The following AGTPBP1 variants were observed in gnomAD, a reference collection of about 807,000 sequenced individuals.
AGTPBP1 encodes the protein ATP/GTP binding carboxypeptidase 1.
Under a neutral mutation model 143.9 loss-of-function variants are expected in AGTPBP1, and 70 were observed. That is an observed-to-expected ratio of 0.49 (90% CI 0.40 to 0.59). The LOEUF (loss-of-function observed/expected upper bound fraction) is 0.59, where lower values mean the gene tolerates loss of function less well. Ranked by LOEUF, AGTPBP1 falls within the 20% of genes least tolerant of loss-of-function variation. The pLI is 0.00. For synonymous variants in AGTPBP1, 463 were observed against 500.2 expected (o/e 0.93, Z 0.99); for missense variants, 1,229 against 1,464.5 (o/e 0.84, Z 2.62).
At chr9:85,631,452 G>C (rs1212615668) in intron 14 of AGTPBP1, among the ~76,000 whole-genome samples, 1 of 152,230 alleles carries the variant, frequency 6.6e-6, no homozygotes, top group African/African-American at 2.4e-5. Context: ...CACGAGGCCA[G>C]CTGCCTCTGG....
chr9:85,590,764 G>A (rs1325973665), intron 19 of AGTPBP1, among the ~76,000 whole-genome samples: 2 of 152,126 alleles, frequency 1.3e-5, no homozygotes, highest in Non-Finnish European at 2.9e-5. Context: ...GATGAGTACT[G>A]CAGGCAGAGG....
intron 3 of AGTPBP1, among the ~76,000 whole-genome samples, chr9:85,685,101 T>C (rs1835412589): frequency 1.3e-5 from 2 of 151,792 alleles, no homozygotes; most frequent in Admixed American, 6.6e-5. Flanking sequence ...AGAATTAAAC[T>C]TAAAAGATAT....
intron 2 of AGTPBP1, among the ~76,000 whole-genome samples, chr9:85,693,762 G>A (rs1446199646): frequency 3.9e-5 from 6 of 152,146 alleles, no homozygotes; most frequent in Admixed American, 2.6e-4. Flanking sequence ...GTGATGGGAA[G>A]TACTATGGAG....
At chr9:85,682,868 T>C (rs1165661229) in intron 3 of AGTPBP1, among the ~76,000 whole-genome samples, 1 of 152,150 alleles carries the variant, frequency 6.6e-6, no homozygotes, top group Admixed American at 6.5e-5. Flanking sequence ...ATTAAGTTAC[T>C]CTAAATTAGG....
chr9:85,552,177 C>T (rs1429507168), intron 25 of AGTPBP1, among the ~76,000 whole-genome samples: 1 of 152,216 alleles, frequency 6.6e-6, no homozygotes, highest in Non-Finnish European at 1.5e-5. Flanking sequence ...TCAAAACTTT[C>T]ACCCAAAGAG....
chr9:85,586,764 T>G (rs1828638682), intron 22 of AGTPBP1, 67 bp downstream of exon 22: 2 of 1,547,494 alleles, frequency 1.3e-6, no homozygotes, highest in Non-Finnish European at 1.8e-6. Flanking sequence ...ATCACACAAG[T>G]GCTTGATAAT....
At chr9:85,655,492 T>C (rs1833440068) in intron 10 of AGTPBP1, among the ~76,000 whole-genome samples, 172 bp from the exon 11 acceptor site, 2 of 152,190 alleles carry the variant, frequency 1.3e-5, no homozygotes, top group Admixed American at 1.3e-4. Context: ...CAGAATTATC[T>C]ATCTGTAAGT....
the AGTPBP1 span, chr9:85,764,734 A>T: frequency 7.9e-7 from 1 of 1,259,516 alleles, no homozygotes; most frequent in South Asian, 1.2e-5. Context: ...GTTTGAAAGT[A>T]TCAACTCGCC....
intron 25 of AGTPBP1, among the ~76,000 whole-genome samples, chr9:85,549,072 C>T (rs1825891833): frequency 6.6e-6 from 1 of 152,078 alleles, no homozygotes; most frequent in Non-Finnish European, 1.5e-5. Context: ...AGAGGAGTCC[C>T]AGGTGATTCT....
At chr9:85,795,544 C>A in the AGTPBP1 span, among the ~76,000 whole-genome samples, 1 of 152,268 alleles carries the variant, frequency 6.6e-6, no homozygotes, top group African/African-American at 2.4e-5. Context: ...ATGAGCCTGG[C>A]ACTGTAGTGA....
chr9:85,722,490 G>A (rs905447234), intron 1 of AGTPBP1, among the ~76,000 whole-genome samples: 8 of 152,148 alleles, frequency 5.3e-5, no homozygotes, highest in African/African-American at 1.7e-4. Context: ...CATGCGTCAC[G>A]AGGTTCTCGT....
the AGTPBP1 span, among the ~76,000 whole-genome samples, chr9:85,762,049 T>C: frequency 2.6e-5 from 4 of 152,076 alleles, no homozygotes; most frequent in Non-Finnish European, 4.4e-5. Context: ...GTCAGAGAAA[T>C]GCAAATCAAA....
At chr9:85,637,002 A>G (rs991273215) in intron 13 of AGTPBP1, among the ~76,000 whole-genome samples, 62 of 150,434 alleles carry the variant, frequency 4.1e-4, no homozygotes, top group African/African-American at 1.4e-3. Context: ...ACTGATAGGT[A>G]TTTACCCAAG....
At chr9:85,550,180 AGTGT>A (rs35611324) in intron 25 of AGTPBP1, among the ~76,000 whole-genome samples, 3 of 149,504 alleles carry the variant, frequency 2.0e-5, no homozygotes, top group Admixed American at 6.6e-5. Flanking sequence ...AGAGTTTGTG[AGTGT>A]GTGTGTGTGT....
At chr9:85,676,728 T>C (rs1834852904) in intron 6 of AGTPBP1, among the ~76,000 whole-genome samples, 1 of 152,200 alleles carries the variant, frequency 6.6e-6, no homozygotes, top group Non-Finnish European at 1.5e-5. Flanking sequence ...TTGAAGAATA[T>C]CTGCATTCCC....
chr9:85,591,734 G>A (rs1828980209), intron 19 of AGTPBP1, among the ~76,000 whole-genome samples: 1 of 151,922 alleles, frequency 6.6e-6, no homozygotes, highest in South Asian at 2.1e-4. Context: ...AGTCTTCTTA[G>A]GTTTGATATC....
chr9:85,595,602 T>C (rs1587703982), intron 18 of AGTPBP1, among the ~76,000 whole-genome samples: 1 of 152,106 alleles, frequency 6.6e-6, no homozygotes, highest in Non-Finnish European at 1.5e-5. Context: ...TCTCGGCTCA[T>C]TGCAACCTCC....
chr9:85,654,664 G>A (rs1442858782), intron 11 of AGTPBP1, among the ~76,000 whole-genome samples: 2 of 151,952 alleles, frequency 1.3e-5, no homozygotes, highest in African/African-American at 4.8e-5. Flanking sequence ...CCAACATGGC[G>A]AAAACCCATC....
At chr9:85,699,211 T>A (rs1836485739) in intron 2 of AGTPBP1, among the ~76,000 whole-genome samples, 1 of 152,184 alleles carries the variant, frequency 6.6e-6, no homozygotes, top group Non-Finnish European at 1.5e-5. Context: ...ATCAAACTTC[T>A]GGGCTCAAGC....
Sources: allele counts gnomAD v4.1 joint callset (sites outside exome capture counted in the v4.1 genomes callset), GRCh38; gene constraint gnomAD v4.1.1; transcripts MANE v1.5; gene names NCBI Gene and HGNC (gene_info 2026-07-23, HGNC 2026-07-21).